RP1: variants seen among roughly 807,000 people sequenced by gnomAD.
RP1 encodes RP1 axonemal microtubule associated, also known as oxygen-regulated protein 1.
In RP1, 16 loss-of-function variants were observed where a neutral mutation model predicts 14.8. The observed-to-expected ratio is 1.08, with a 90% CI of 0.73 to 1.65. The LOEUF (loss-of-function observed/expected upper bound fraction) is 1.65, where lower values mean the gene tolerates loss of function less well. RP1 is among the 40% of genes most tolerant of loss of function. The pLI is 0.00. For synonymous variants in RP1, 876 were observed against 883.6 expected, an observed-to-expected ratio of 0.99 and a Z score of 0.15; for missense variants, 2,631 against 2,535.0, an observed-to-expected ratio of 1.04 and a Z score of -0.81.
At chr8:54,736,776 C>T (rs550826508) in intron 18 of RP1, among the ~76,000 whole-genome samples, 1 of 152,256 alleles carries the variant, frequency 6.6e-6, no homozygotes, top group South Asian at 2.1e-4. Flanking sequence ...GTTAAACACA[C>T]AGAATTTGGG....
chr8:54,559,919 C>G (rs1804247386), intron 1 of RP1, among the ~76,000 whole-genome samples: 1 of 152,190 alleles, frequency 6.6e-6, no homozygotes, highest in African/African-American at 2.4e-5. Context: ...CAGTCCCCAA[C>G]TGGGAGAAGG....
downstream of RP1, among the ~76,000 whole-genome samples, chr8:54,631,268 T>A (rs181933837): frequency 6.6e-6 from 1 of 152,298 alleles, no homozygotes; most frequent in African/African-American, 2.4e-5. Flanking sequence ...ACTACTTCTA[T>A]GTAGAGTATG....
chr8:54,567,613 T>A, intron 1 of RP1, among the ~76,000 whole-genome samples: 1 of 150,208 alleles, frequency 6.7e-6, no homozygotes. Context: ...AAGCTGGACC[T>A]CACTTTGTAG....
intron 14 of RP1, among the ~76,000 whole-genome samples, chr8:54,704,844 A>G (rs1461234042): frequency 1.3e-5 from 2 of 151,342 alleles, no homozygotes; most frequent in African/African-American, 2.5e-5. Context: ...TATTACATGT[A>G]TACACACACA....
rs1466310345 is a variant in RP1 at position 54,624,901 on chromosome 8, G to C, written c.1019G>C (p.Arg340Thr). Reference protein sequence around the residue: ...TMTVEMKVRFRIKEEETIKWT... With the variant: ...TMTVEMKVRFTIKEEETIKWT... ...ACAGTTGAGATGAAAGTTCGATTCA[G>C]AATAAAAGAGGAAGAAACCATAAAA... is the stretch of plus-strand genomic sequence containing the variant. The change falls in exon 4 of 4, where the codon AGA becomes ACA. Residue 340 changes from arginine (R) to threonine (T), a missense_variant. Transcript: ENST00000220676. The C allele has an allele frequency of 6.2e-7, 1 of 1,613,860 alleles. No individual in the cohort carries two copies. The highest frequency in any genetic ancestry group is 8.5e-7 in the Non-Finnish European group (1 of 1,180,018).
chr8:54,621,056 T>C lies in RP1; in HGVS notation c.90T>C (p.Thr30=). ...QVPPPRHLSL[T]HPVVAKRISF... Reference sequence around the variant, plus strand: ...CACCCCCTCGCCATTTGAGCCTCACTCATCCTGTTGTGGCCAAGCGAATCA... The same window carrying C: ...CACCCCCTCGCCATTTGAGCCTCACCCATCCTGTTGTGGCCAAGCGAATCA... Residue 30 remains threonine (T), a synonymous_variant, in exon 2 of 4, where the codon ACT becomes ACC. Coordinates refer to ENST00000220676, the MANE Select transcript of RP1 (RefSeq NM_006269.2). 6.2e-7 allele frequency: 1 copy of C among 1,614,176 alleles called. No homozygotes were observed. Among genetic ancestry groups the C allele is most frequent in the Non-Finnish European group, 8.5e-7 (1 of 1,180,034 alleles).
At chr8:54,568,574 A>G (rs1804456194) in intron 1 of RP1, among the ~76,000 whole-genome samples, 1 of 152,232 alleles carries the variant, frequency 6.6e-6, no homozygotes, top group Admixed American at 6.5e-5. Context: ...GAATGCTGAC[A>G]TAAGTACTTC....
Position 54,679,195 on chromosome 8 carries a change from A to G in RP1, c.1479-225A>G, listed in dbSNP as rs116919066. On this transcript the variant is annotated intron_variant, in intron 9 of 22. Transcript: ENST00000636932. ...CTCACCTGTGTTATTAGGCAAAAAC[A>G]TATTTTAGCCTTACCAGATAGTAAC... is the stretch of plus-strand genomic sequence containing the variant. 1.1e-4 allele frequency among the ~76,000 whole-genome samples: 17 copies of G among 152,294 alleles called. 1 individual carries two copies. The East Asian group carries it at 3.3e-3, about 29-fold the overall frequency.
At chr8:54,669,455 G>A (rs1405503035) in intron 7 of RP1, among the ~76,000 whole-genome samples, 1 of 152,196 alleles carries the variant, frequency 6.6e-6, no homozygotes, top group Non-Finnish European at 1.5e-5. Context: ...CAACGATTGT[G>A]GAAGACAGTG....
intron 17 of RP1, among the ~76,000 whole-genome samples, chr8:54,732,842 G>A (rs1808825807): frequency 6.6e-6 from 1 of 152,130 alleles, no homozygotes; most frequent in South Asian, 2.1e-4. Context: ...TTCTGGGTCA[G>A]CTACTTCTGA....
At chr8:54,754,252 G>T (rs967255103) in intron 19 of RP1, among the ~76,000 whole-genome samples, 1 of 152,040 alleles carries the variant, frequency 6.6e-6, no homozygotes, top group African/African-American at 2.4e-5. Context: ...CACTTAAAAG[G>T]CATTCACTTT....
rs1469086694 is a variant in RP1, at chr8:54,630,230, T to C, written c.6348T>C (p.Asn2116=). The change falls in exon 4 of 4, where the codon AAT becomes AAC. Residue 2116 remains asparagine (N), a synonymous_variant. Transcript: ENST00000220676. The part of the protein sequence containing the change: ...LDICQVETSL[N]ISNRNILELC... ...TTTGCCAAGTTGAGACCTCCTTAAA[T>C]ATTAGCAACAGAAATATTTTAGAAC... is the stretch of plus-strand genomic sequence containing the variant. 4.3e-6 allele frequency: 7 copies of C among 1,613,660 alleles called. No homozygotes were observed. Among genetic ancestry groups the C allele is most frequent in the Non-Finnish European group, 5.9e-6 (7 of 1,179,928 alleles).
chr8:54,663,783 A>T (rs1806949932), exon 7 of RP1: 3 of 1,534,452 alleles, frequency 2.0e-6, no homozygotes, highest in Non-Finnish European at 2.6e-6. Context: ...ATCCATGGGG[A>T]AAAGGGAGAT....
intron 3 of RP1, among the ~76,000 whole-genome samples, chr8:54,623,632 C>T (rs1805943382): frequency 6.6e-6 from 1 of 152,050 alleles, no homozygotes; most frequent in Non-Finnish European, 1.5e-5. Context: ...AGCAAGAGTG[C>T]CAAGGTTAAT....
intron 1 of RP1, among the ~76,000 whole-genome samples, chr8:54,606,983 G>T (rs554737903): frequency 1.8e-4 from 27 of 152,050 alleles, no homozygotes; most frequent in Non-Finnish European, 3.2e-4. Flanking sequence ...TTTGCCATGG[G>T]TTCGAACCTC....
intron 24 of RP1, among the ~76,000 whole-genome samples, chr8:54,799,885 TA>T (rs1312464549): frequency 1.3e-5 from 2 of 152,042 alleles, no homozygotes; most frequent in African/African-American, 2.4e-5. Context: ...TTTAGAGAAT[TA>T]AAAATGAGAA....
chr8:54,734,515 A>T (rs1808868315), intron 17 of RP1: 1 of 1,514,926 alleles, frequency 6.6e-7, no homozygotes, highest in Non-Finnish European at 8.8e-7. Context: ...GTTATATCTG[A>T]TCTGCCACTA....
At chr8:54,708,125 T>A (rs1808194795) in intron 15 of RP1, among the ~76,000 whole-genome samples, 1 of 151,998 alleles carries the variant, frequency 6.6e-6, no homozygotes, top group South Asian at 2.1e-4. Context: ...CTCGCAGGAG[T>A]GTTCAGAACC....
intron 24 of RP1, among the ~76,000 whole-genome samples, chr8:54,807,636 A>ATCTG (rs1810885757): frequency 9.5e-5 from 4 of 42,132 alleles, no homozygotes; most frequent in African/African-American, 9.1e-4. Context: ...CTGTCTGTCT[A>ATCTG]TCTATCTATC....
Sources: gnomAD v4.1 joint callset for allele counts (sites outside exome capture counted in the v4.1 genomes callset) on GRCh38, gnomAD v4.1.1 for gene constraint, MANE v1.5 for transcripts, NCBI Gene and HGNC (gene_info 2026-07-23, HGNC 2026-07-21) for gene names.